Variants in CUL5 observed in about 807,000 individuals in gnomAD.
CUL5 encodes the protein cullin-5.
A neutral mutation model predicts 108.8 loss-of-function variants in CUL5; 26 were observed. That is an observed-to-expected ratio of 0.24 (90% CI 0.18 to 0.33). The LOEUF is 0.33. Among genes scored for constraint, CUL5 ranks in the 10% least tolerant of loss-of-function variants. CUL5 has a pLI of 1.00. For missense variants in CUL5, 524 were observed against 909.2 expected, an observed-to-expected ratio of 0.58 and a Z score of 5.45; for synonymous variants, 334 against 298.0, an observed-to-expected ratio of 1.12 and a Z score of -1.25.
intron 11 of CUL5, among the ~76,000 whole-genome samples, chr11:108,088,071 A>G (rs1363519970): frequency 6.6e-6 from 1 of 152,100 alleles, no homozygotes; most frequent in African/African-American, 2.4e-5. Context: ...GCATGATGGT[A>G]TATATATCAT....
chr11:108,101,307 T>C (rs1430655878), intron 18 of CUL5, among the ~76,000 whole-genome samples: 1 of 152,256 alleles, frequency 6.6e-6, no homozygotes, highest in African/African-American at 2.4e-5. Context: ...TATGCAGTTA[T>C]GACAGTGTCC....
chr11:108,052,597 G>C (rs979236250), intron 4 of CUL5, 63 bp from the exon 5 acceptor site: 1 of 1,451,370 alleles, frequency 6.9e-7, no homozygotes, highest in South Asian at 1.2e-5. Context: ...TTTGGTGTTT[G>C]TACATGATAC....
chr11:108,086,127 G>T (rs993787836), intron 11 of CUL5, among the ~76,000 whole-genome samples: 1 of 152,130 alleles, frequency 6.6e-6, no homozygotes, highest in Non-Finnish European at 1.5e-5. Flanking sequence ...ATTTGAAATG[G>T]TATTGACTAA....
intron 1 of CUL5, among the ~76,000 whole-genome samples, chr11:108,011,632 T>C (rs1862059709): frequency 6.6e-6 from 1 of 152,082 alleles, no homozygotes; most frequent in Non-Finnish European, 1.5e-5. Flanking sequence ...TTTTTAATTT[T>C]TTTTTTTTTG....
At chr11:108,100,088 T>C (rs1864615433) in intron 18 of CUL5, among the ~76,000 whole-genome samples, 1 of 133,472 alleles carries the variant, frequency 7.5e-6, no homozygotes, top group African/African-American at 2.5e-5. Flanking sequence ...AGGAATATTT[T>C]TGGAATTTTA....
At chr11:108,076,780 G>T (rs1034455717) in intron 10 of CUL5, among the ~76,000 whole-genome samples, 3 of 152,168 alleles carry the variant, frequency 2.0e-5, no homozygotes, top group African/African-American at 7.2e-5. Context: ...GACTATTCAG[G>T]ATTTGCTATT....
At chr11:108,089,716 C>T (rs1864305048) in intron 13 of CUL5, 93 bp downstream of exon 13, 1 of 711,328 alleles carries the variant, frequency 1.4e-6, no homozygotes, top group Non-Finnish European at 2.1e-6. Context: ...TTGTTAATGT[C>T]AAAGAAGTAG....
chr11:108,066,441 A>C (rs1439651378), intron 7 of CUL5, among the ~76,000 whole-genome samples: 1 of 152,162 alleles, frequency 6.6e-6, no homozygotes, highest in Non-Finnish European at 1.5e-5. Flanking sequence ...ATTGTCCAGC[A>C]AGAGTCACTC....
At chr11:108,016,105 G>A (rs1334031465) in intron 1 of CUL5, among the ~76,000 whole-genome samples, 1 of 152,008 alleles carries the variant, frequency 6.6e-6, no homozygotes, top group African/African-American at 2.4e-5. Context: ...TTATAGAGAT[G>A]GGATCTCACC....
chr11:108,051,629 A>G (rs1382915413), intron 4 of CUL5, among the ~76,000 whole-genome samples: 2 of 152,216 alleles, frequency 1.3e-5, no homozygotes, highest in African/African-American at 4.8e-5. Flanking sequence ...ATAATCACCA[A>G]TGTTTATATA....
chr11:108,053,453 TA>T (rs1174007027), intron 5 of CUL5, among the ~76,000 whole-genome samples: 9 of 152,172 alleles, frequency 5.9e-5, no homozygotes. Flanking sequence ...ATGGCCCCCA[TA>T]TTCTTTTAGT....
At chr11:108,030,342 G>A (rs1862548490) in intron 1 of CUL5, among the ~76,000 whole-genome samples, 1 of 152,156 alleles carries the variant, frequency 6.6e-6, no homozygotes, top group South Asian at 2.1e-4. Context: ...GGGTCCTTAT[G>A]ATAAGAATAC....
Position 108,107,725 on chromosome 11 carries a change from A to C in CUL5, c.*3341A>C, listed in dbSNP as rs1441702914. 1 of 152,548 alleles carries C rather than the reference A, an allele frequency of 6.6e-6. No individual in the cohort carries two copies. The highest frequency in any genetic ancestry group is 1.5e-5 in the Non-Finnish European group (1 of 68,044). 9.4% of individuals were successfully genotyped at this position (152,548 alleles called of 1,614,324 possible). A position where few individuals can be genotyped will look rare whatever the true frequency, so the allele number is the denominator to read the frequency against. ...TTGGATTTTATTTTTTAAGTTGTAT[A>C]ATTTATTTTCTTGCAAAATAAAAAT... On this transcript the variant is annotated 3_prime_UTR_variant, in exon 19 of 19. Coordinates refer to ENST00000393094, the MANE Select transcript of CUL5 (RefSeq NM_003478.6).
rs1591298707 is a variant in CUL5, at chr11:108,050,131, G to A, written c.411+65G>A. 4 of 1,405,868 alleles carry A rather than the reference G, an allele frequency of 2.8e-6. No homozygotes were observed. In the East Asian group the frequency reaches 9.5e-5, roughly 33 times the overall value. The allele number at this position is 1,405,868 out of a possible 1,614,324, so 87.1% of individuals were successfully genotyped here. A position where few individuals can be genotyped will look rare whatever the true frequency, so the allele number is the denominator to read the frequency against. ...GAAAGAGGGTAATTTGGAAGCATTT[G>A]AAAGTAATTTGAACTTTTAAGTGGG... is the stretch of plus-strand genomic sequence containing the variant. On this transcript the variant is annotated intron_variant, in intron 4 of 18. Transcript: ENST00000393094.
At chr11:108,052,141 T>C (rs760879716) in intron 4 of CUL5, among the ~76,000 whole-genome samples, 18 of 152,150 alleles carry the variant, frequency 1.2e-4, no homozygotes, top group Non-Finnish European at 1.8e-4. Flanking sequence ...AATTTTTGTA[T>C]TTTTTGTTGT....
At position 108,104,917 on chromosome 11, in the gene CUL5, AT is replaced by A. The variant is rs1864754439; in HGVS notation, c.*536del. ...GGCAGATGTAGGTGAGAAGTTAAGT[AT>A]TTAATAGTATCAAATTGTTCAAACA... On this transcript the variant is annotated 3_prime_UTR_variant, in exon 19 of 19. Transcript: ENST00000393094. The A allele has an allele frequency of 6.6e-6, 1 of 152,664 alleles. No homozygotes were observed. Among genetic ancestry groups the A allele is most frequent in the Non-Finnish European group, 1.5e-5 (1 of 68,050 alleles). The allele number at this position is 152,664 out of a possible 1,614,324, so 9.5% of individuals were successfully genotyped here.
chr11:108,098,539 G>A lies in CUL5; in HGVS notation c.2148+10G>A. The A allele has an allele frequency of 1.4e-6, 2 of 1,466,690 alleles. No homozygotes were observed. Among genetic ancestry groups the A allele is most frequent in the Non-Finnish European group, 1.8e-6 (2 of 1,105,034 alleles). 90.9% of individuals were successfully genotyped at this position (1,466,690 alleles called of 1,614,324 possible). On this transcript the variant is annotated intron_variant, in intron 18 of 18. Coordinates refer to ENST00000393094, the MANE Select transcript of CUL5 (RefSeq NM_003478.6). ...AATACTAAGAACCCAGGTTTGTAAT[G>A]TTGACAGAATGTCTGAAGTTTAAAA...
chr11:108,101,918 AAACCCC>A (rs957755795), intron 18 of CUL5, among the ~76,000 whole-genome samples: 2 of 152,184 alleles, frequency 1.3e-5, no homozygotes, highest in Admixed American at 1.3e-4. Flanking sequence ...CCCCTGACAT[AAACCCC>A]AATTTATGAT....
chr11:108,032,296 C>G (rs1862608005), intron 1 of CUL5, among the ~76,000 whole-genome samples: 1 of 152,044 alleles, frequency 6.6e-6, no homozygotes, highest in African/African-American at 2.4e-5. Context: ...CAGTTGAGCC[C>G]AGGAGTTCAA....
Sources: allele counts gnomAD v4.1 joint callset (sites outside exome capture counted in the v4.1 genomes callset), GRCh38; gene constraint gnomAD v4.1.1; transcripts MANE v1.5; gene names NCBI Gene and HGNC (gene_info 2026-07-23, HGNC 2026-07-21).